The following NRG1 variants were observed in gnomAD, a reference collection of about 807,000 sequenced individuals.
NRG1 encodes neuregulin 1, also known as pro-neuregulin-1, membrane-bound isoform.
Under a neutral mutation model 63.8 loss-of-function variants are expected in NRG1, and 18 were observed. The observed-to-expected ratio is 0.28, with a 90% CI of 0.19 to 0.42. The LOEUF is 0.42. Ranked by LOEUF, NRG1 falls within the 10% of genes least tolerant of loss-of-function variation. NRG1 has a pLI of 1.00. For missense variants in NRG1, 762 were observed against 814.7 expected (o/e 0.94, Z 0.79); for synonymous variants, 302 against 301.3 (o/e 1.00, Z -0.02).
At chr8:32,290,058 C>T (rs1438815444) in intron 1 of NRG1, among the ~76,000 whole-genome samples, 1 of 151,990 alleles carries the variant, frequency 6.6e-6, no homozygotes, top group African/African-American at 2.4e-5. Context: ...CTGAGCAACA[C>T]AGGAGGACCC....
In NRG1 at chr8:31,919,279, T is replaced by C. The variant is rs987246304; in HGVS notation, c.37+279848T>C. On this transcript the variant is annotated intron_variant, in intron 1 of 10. Coordinates refer to the NRG1 transcript ENST00000519301. ...TGTGTTTTCATCTAAATATTTGTTATATTTTTTGATGAAGGGCAAAACATT... is the reference window on the plus strand; with the variant it reads ...TGTGTTTTCATCTAAATATTTGTTACATTTTTTGATGAAGGGCAAAACATT... Among the ~76,000 whole-genome samples, 21 of 152,168 alleles carry C rather than the reference T, an allele frequency of 1.4e-4. No homozygotes were observed. The South Asian group carries it at 2.7e-3, about 20-fold the overall frequency.
chr8:32,344,693 G>A (rs1427033291), intron 1 of NRG1, among the ~76,000 whole-genome samples: 1 of 146,376 alleles, frequency 6.8e-6, no homozygotes, highest in Non-Finnish European at 1.5e-5. Flanking sequence ...GGGCTGAAGT[G>A]ATCCTCCTGC....
intron 3 of NRG1, among the ~76,000 whole-genome samples, chr8:32,606,617 A>G (rs562417132): frequency 1.3e-5 from 2 of 152,144 alleles, no homozygotes; most frequent in South Asian, 4.1e-4. Flanking sequence ...GCTTCTTTAA[A>G]CCTTTTAGAA....
intron 1 of NRG1, among the ~76,000 whole-genome samples, chr8:32,308,486 C>A (rs77863537): frequency 0.32 from 48,132 of 152,118 alleles, 8,212 homozygotes; most frequent in South Asian, 0.44. Flanking sequence ...GTCTTTGTAG[C>A]TTTTTCTTCC....
chr8:31,718,214 T>C (rs981973092), intron 1 of NRG1, among the ~76,000 whole-genome samples: 1 of 152,178 alleles, frequency 6.6e-6, no homozygotes, highest in Non-Finnish European at 1.5e-5. Context: ...TTGAATTTAC[T>C]TCCTTTCATC....
intron 1 of NRG1, among the ~76,000 whole-genome samples, chr8:32,023,690 A>G (rs550916608): frequency 6.6e-6 from 1 of 152,312 alleles, no homozygotes; most frequent in African/African-American, 2.4e-5. Flanking sequence ...TGAGATTTCA[A>G]AAACACCAGG....
At chr8:32,464,490 C>T (rs1822807711) in intron 1 of NRG1, among the ~76,000 whole-genome samples, 1 of 152,106 alleles carries the variant, frequency 6.6e-6, no homozygotes, top group African/African-American at 2.4e-5. Context: ...GTCCAAATCC[C>T]AGAGTTCATG....
At chr8:31,992,352 T>G (rs1811243764) in intron 1 of NRG1, among the ~76,000 whole-genome samples, 1 of 151,994 alleles carries the variant, frequency 6.6e-6, no homozygotes, top group Non-Finnish European at 1.5e-5. Flanking sequence ...ATGTTCAGTT[T>G]AAAGATGCCT....
At chr8:32,122,932 T>C (rs1833655255) in intron 1 of NRG1, among the ~76,000 whole-genome samples, 1 of 151,970 alleles carries the variant, frequency 6.6e-6, no homozygotes, top group Non-Finnish European at 1.5e-5. Flanking sequence ...TTTTCATCCA[T>C]GTCCCTACAA....
rs972305607 is a variant in NRG1 at position 32,548,890 on chromosome 8, C to T, written c.100+64C>T. ...CCTGCTCCTCCTACTCCTCCTCCTC[C>T]TCGGATGCCGTGGCCTCTCCCTCCC... is the stretch of plus-strand genomic sequence containing the variant. On this transcript the variant is annotated intron_variant, in intron 1 of 11. Transcript: ENST00000356819. 3.7e-5 allele frequency: 55 copies of T among 1,484,236 alleles called. No individual in the cohort carries two copies. The African/African-American group carries it at 7.6e-4, about 20-fold the overall frequency. The allele number at this position is 1,484,236 out of a possible 1,614,324, so 91.9% of individuals were successfully genotyped here. A position where few individuals can be genotyped will look rare whatever the true frequency, so the allele number is the denominator to read the frequency against.
chr8:32,389,576 C>G (rs566904668), intron 1 of NRG1, among the ~76,000 whole-genome samples: 1 of 152,236 alleles, frequency 6.6e-6, no homozygotes, highest in East Asian at 1.9e-4. Flanking sequence ...GTCTCTGCAT[C>G]TGTATTGCCA....
At chr8:32,340,467 G>A (rs547430621) in intron 1 of NRG1, among the ~76,000 whole-genome samples, 3 of 152,248 alleles carry the variant, frequency 2.0e-5, no homozygotes, top group East Asian at 1.9e-4. Context: ...AACCAGATTC[G>A]ATTTTGATGC....
chr8:32,763,991 C>A (rs201760419), exon 12 of NRG1: 1 of 1,614,132 alleles, frequency 6.2e-7, no homozygotes, highest in East Asian at 2.2e-5. Context: ...TCCACCACAA[C>A]CCCGCGCATG....
At chr8:32,005,833 T>C (rs1412616048) in intron 1 of NRG1, among the ~76,000 whole-genome samples, 2 of 152,024 alleles carry the variant, frequency 1.3e-5, no homozygotes, top group Non-Finnish European at 2.9e-5. Flanking sequence ...TTCCATTTTG[T>C]TGTTTGTATT....
intron 5 of NRG1, among the ~76,000 whole-genome samples, chr8:32,683,320 G>A (rs946869564): frequency 2.0e-5 from 3 of 152,176 alleles, no homozygotes; most frequent in Admixed American, 2.0e-4. Context: ...TGTCAGGGAG[G>A]CTCAGCACTG....
intron 1 of NRG1, among the ~76,000 whole-genome samples, chr8:32,439,742 T>A (rs17642563): frequency 6.6e-6 from 1 of 150,856 alleles, no homozygotes; most frequent in Admixed American, 6.7e-5. Context: ...GCAAAAATTA[T>A]AATTAACTAC....
chr8:31,947,379 A>G (rs544301863), intron 1 of NRG1, among the ~76,000 whole-genome samples: 2 of 151,492 alleles, frequency 1.3e-5, no homozygotes, highest in South Asian at 4.2e-4. Context: ...ATCTTTAGCT[A>G]TGCTGTTGAT....
intron 3 of NRG1, among the ~76,000 whole-genome samples, chr8:32,605,886 T>C (rs1845171272): frequency 6.6e-6 from 1 of 152,100 alleles, no homozygotes; most frequent in South Asian, 2.1e-4. Flanking sequence ...GAAATATACA[T>C]ATATTTTTTA....
chr8:32,760,294 G>A (rs777235705), exon 11 of NRG1: 1 of 1,614,076 alleles, frequency 6.2e-7, no homozygotes, highest in Non-Finnish European at 8.5e-7. Flanking sequence ...CAGCCCAACT[G>A]GGGGCCCAAG....
Sources: allele counts gnomAD v4.1 joint callset (sites outside exome capture counted in the v4.1 genomes callset), GRCh38; gene constraint gnomAD v4.1.1; transcripts MANE v1.5; gene names NCBI Gene and HGNC (gene_info 2026-07-23, HGNC 2026-07-21).